The following SH3RF2 variants were observed in gnomAD, a reference collection of about 807,000 sequenced individuals.
The protein encoded by SH3RF2 is SH3 domain containing ring finger 2, also known as E3 ubiquitin-protein ligase SH3RF2.
SH3RF2 carries 43 observed loss-of-function variants against 59.0 expected under a neutral mutation model. That is an observed-to-expected ratio of 0.73 (90% CI 0.57 to 0.94). The LOEUF (loss-of-function observed/expected upper bound fraction) is 0.94, where lower values mean the gene tolerates loss of function less well. Among genes scored for constraint, SH3RF2 ranks in the 40% least tolerant of loss-of-function variants. The probability of loss-of-function intolerance (pLI) is 0.00; values close to 1 mark genes in which losing one functional copy is unlikely to be tolerated. For synonymous variants in SH3RF2, 391 were observed against 391.5 expected, an observed-to-expected ratio of 1.00 and a Z score of 0.01; for missense variants, 930 against 940.1, an observed-to-expected ratio of 0.99 and a Z score of 0.14.
chr5:145,942,589 G>C (rs542678543), intron 2 of SH3RF2, among the ~76,000 whole-genome samples: 36 of 152,326 alleles, frequency 2.4e-4, no homozygotes, highest in African/African-American at 8.7e-4. Context: ...GATACAGACA[G>C]TGGGGTTTTT....
At chr5:145,966,966 A>T (rs1322348052) in intron 2 of SH3RF2, among the ~76,000 whole-genome samples, 2 of 152,134 alleles carry the variant, frequency 1.3e-5, no homozygotes, top group Non-Finnish European at 2.9e-5. Flanking sequence ...GGCTGCAGTG[A>T]GCTAAGATCA....
chr5:146,068,115 T>C (rs1434034145), downstream of SH3RF2, among the ~76,000 whole-genome samples: 1 of 152,232 alleles, frequency 6.6e-6, no homozygotes, highest in Non-Finnish European at 1.5e-5. Flanking sequence ...GGCAGCTCCA[T>C]GCTGGCTGGT....
chr5:146,067,725 A>C (rs995456838), downstream of SH3RF2, among the ~76,000 whole-genome samples: 21 of 152,200 alleles, frequency 1.4e-4, no homozygotes, highest in African/African-American at 5.1e-4. Flanking sequence ...TAGAATGTTG[A>C]AAGAGGTTTG....
At position 145,939,054 on chromosome 5, in the gene SH3RF2, G is replaced by T. The variant is rs574993928; in HGVS notation, c.378+748G>T. ...AATGCTTTTCATGTTTGGATAATGG[G>T]AATCGCTCTGTCCAGCGCTGAAAGC... On this transcript the variant is annotated intron_variant, in intron 2 of 9. Transcript: ENST00000359120. 3.9e-5 allele frequency among the ~76,000 whole-genome samples: 6 copies of T among 152,338 alleles called. No individual in the cohort carries two copies. In the South Asian group the frequency reaches 1.0e-3, roughly 26 times the overall value.
chr5:145,940,653 T>C (rs1029580229), intron 2 of SH3RF2, among the ~76,000 whole-genome samples: 3 of 152,216 alleles, frequency 2.0e-5, no homozygotes, highest in Admixed American at 1.3e-4. Context: ...CAACATACTT[T>C]TACTGCCTTA....
chr5:146,063,631 G>A (rs1762973689), downstream of SH3RF2, among the ~76,000 whole-genome samples: 1 of 152,154 alleles, frequency 6.6e-6, no homozygotes, highest in South Asian at 2.1e-4. Flanking sequence ...AGGCCGAGGT[G>A]GGCAGACCAC....
intron 2 of SH3RF2, among the ~76,000 whole-genome samples, chr5:145,961,043 C>T (rs116153520): frequency 7.2e-5 from 11 of 152,338 alleles, no homozygotes; most frequent in African/African-American, 2.6e-4. Context: ...CTAACACATA[C>T]TCCTACAGTG....
chr5:146,052,149 G>A (rs1762523060), intron 7 of SH3RF2, among the ~76,000 whole-genome samples: 1 of 152,098 alleles, frequency 6.6e-6, no homozygotes. Context: ...CTAAATCCTG[G>A]TTATACCATC....
At chr5:146,064,374 G>C (rs982143939), downstream of SH3RF2, among the ~76,000 whole-genome samples, 1 of 151,966 alleles carries the variant, frequency 6.6e-6, no homozygotes, top group East Asian at 1.9e-4. Flanking sequence ...CAGCCAGGGA[G>C]AGCCTTGTAA....
At chr5:146,051,534 A>G (rs879417478) in intron 7 of SH3RF2, among the ~76,000 whole-genome samples, 3 of 152,194 alleles carry the variant, frequency 2.0e-5, no homozygotes, top group Non-Finnish European at 4.4e-5. Flanking sequence ...AGGGTTTTCT[A>G]AAAGATAAAA....
chr5:146,047,420 C>G (rs1762342686), intron 5 of SH3RF2, among the ~76,000 whole-genome samples: 1 of 151,960 alleles, frequency 6.6e-6, no homozygotes, highest in Non-Finnish European at 1.5e-5. Context: ...TTTCATTTTC[C>G]AAGAGCAGGT....
intron 2 of SH3RF2, among the ~76,000 whole-genome samples, chr5:145,955,422 G>A (rs1166755286): frequency 6.6e-6 from 1 of 152,112 alleles, no homozygotes; most frequent in Non-Finnish European, 1.5e-5. Context: ...GGAAAAGAGG[G>A]GGATAAGGAT....
intron 3 of SH3RF2, among the ~76,000 whole-genome samples, chr5:146,002,635 C>T (rs921498762): frequency 6.6e-6 from 1 of 152,120 alleles, no homozygotes; most frequent in African/African-American, 2.4e-5. Flanking sequence ...AGGAAACGGG[C>T]CGCACAGCAG....
intron 2 of SH3RF2, among the ~76,000 whole-genome samples, chr5:145,982,346 A>C (rs1286693900): frequency 6.6e-6 from 1 of 152,166 alleles, no homozygotes; most frequent in Non-Finnish European, 1.5e-5. Flanking sequence ...GCATGCATGT[A>C]ATGAGCACAT....
chr5:145,967,009 A>C (rs769203171), intron 2 of SH3RF2, among the ~76,000 whole-genome samples: 24 of 152,224 alleles, frequency 1.6e-4, no homozygotes, highest in Non-Finnish European at 3.1e-4. Context: ...TGACAGGATG[A>C]GACTCTGTCT....
Position 146,037,089 on chromosome 5 carries a change from G to A in SH3RF2, c.1060-10683G>A, listed in dbSNP as rs112137589. 9.9e-5 allele frequency among the ~76,000 whole-genome samples: 15 copies of A among 152,270 alleles called. 3 individuals are homozygous for A. The highest frequency in any genetic ancestry group is 3.6e-4 in the African/African-American group (15 of 41,546). The stretch of plus-strand genomic sequence containing the variant: ...CTTCTTCTCCCCAGACATCTGCTTT[G>A]TATGTCTCCTATGTCATAATAGTGA... On this transcript the variant is annotated intron_variant, in intron 5 of 9. Transcript: ENST00000359120.
intron 7 of SH3RF2, among the ~76,000 whole-genome samples, chr5:146,051,401 G>A (rs1762490569): frequency 6.6e-6 from 1 of 152,118 alleles, no homozygotes; most frequent in Non-Finnish European, 1.5e-5. Context: ...AGGAAAAGGG[G>A]GAAGCAGAAA....
rs182110632 is a variant in SH3RF2 at position 145,972,453 on chromosome 5, C to T, written c.379-27605C>T. ...CCGTCACCACCAGAACTGCTAACAC[C>T]ACCACCACTACCACCACCACCACCA... is the stretch of plus-strand genomic sequence containing the variant. On this transcript the variant is annotated intron_variant, in intron 2 of 9. Transcript: ENST00000359120. 1.2e-4 allele frequency among the ~76,000 whole-genome samples: 18 copies of T among 152,236 alleles called. No homozygotes were observed. In the East Asian group the frequency reaches 3.5e-3, roughly 29 times the overall value.
rs948205093 is a variant in SH3RF2 at position 146,041,832 on chromosome 5, G to A, written c.1060-5940G>A. Among the ~76,000 whole-genome samples, 6 of 152,190 alleles carry A rather than the reference G, an allele frequency of 3.9e-5. No homozygotes were observed. The South Asian group carries it at 1.2e-3, about 32-fold the overall frequency. ...TGTAGTCCCAGCCACTCAGGAGGCTGAGGCGGGAGGATCGATTGAACCCGG... is the reference window on the plus strand; with the variant it reads ...TGTAGTCCCAGCCACTCAGGAGGCTAAGGCGGGAGGATCGATTGAACCCGG... On this transcript the variant is annotated intron_variant, in intron 5 of 9. Coordinates refer to ENST00000359120, the MANE Select transcript of SH3RF2 (RefSeq NM_152550.4).
Sources: allele counts gnomAD v4.1 joint callset (sites outside exome capture counted in the v4.1 genomes callset), GRCh38; gene constraint gnomAD v4.1.1; transcripts MANE v1.5; gene names NCBI Gene and HGNC (gene_info 2026-07-23, HGNC 2026-07-21).